SGCZ: variants seen among roughly 807,000 people sequenced by gnomAD.
SGCZ encodes sarcoglycan zeta, also known as zeta-sarcoglycan.
SGCZ carries 40 observed loss-of-function variants against 41.3 expected under a neutral mutation model. That is an observed-to-expected ratio of 0.97 (90% CI 0.75 to 1.26). The LOEUF is 1.26. Among genes scored for constraint, SGCZ ranks in the 50% most tolerant of loss-of-function variants. The probability of loss-of-function intolerance (pLI) is 0.00; values close to 1 mark genes in which losing one functional copy is unlikely to be tolerated. For missense variants in SGCZ, 552 were observed against 369.8 expected (o/e 1.49, Z -4.04); for synonymous variants, 206 against 137.5 (o/e 1.50, Z -3.49).
chr8:14,644,398 T>A (rs1807138025), intron 1 of SGCZ, among the ~76,000 whole-genome samples: 1 of 151,822 alleles, frequency 6.6e-6, no homozygotes, highest in Non-Finnish European at 1.5e-5. Flanking sequence ...CCTGCAGAAT[T>A]CACACTACAC....
At chr8:14,776,518 CTTTTTT>C (rs35602866) in intron 1 of SGCZ, among the ~76,000 whole-genome samples, 1 of 116,636 alleles carries the variant, frequency 8.6e-6, no homozygotes, top group Non-Finnish European at 1.7e-5. Flanking sequence ...TTTTCTTTTT[CTTTTTT>C]TTTTTTTTTT....
intron 1 of SGCZ, among the ~76,000 whole-genome samples, chr8:14,573,950 T>C (rs577931026): frequency 6.6e-6 from 1 of 152,082 alleles, no homozygotes; most frequent in South Asian, 2.1e-4. Flanking sequence ...CTTAAGGAAA[T>C]TTGCACAGAG....
chr8:14,283,184 C>T (rs575971652), intron 3 of SGCZ, among the ~76,000 whole-genome samples: 5 of 149,044 alleles, frequency 3.4e-5, no homozygotes, highest in African/African-American at 1.2e-4. Context: ...CTTCTCTTGT[C>T]GATATAGATT....
At position 14,134,904 on chromosome 8, in the gene SGCZ, T is replaced by A. The variant is rs1032407879; in HGVS notation, c.548-26669A>T. ...ACATGACAGATATAATAGTTCATGA[T>A]GAGAATGTTAAATTAAAACTTTAAC... On this transcript the variant is annotated intron_variant, in intron 5 of 7. Transcript: ENST00000382080. Among the ~76,000 whole-genome samples, 6 of 152,206 alleles carry A rather than the reference T, an allele frequency of 3.9e-5. 1 individual carries two copies. Among genetic ancestry groups the A allele is most frequent in the Non-Finnish European group, 1.5e-5 (1 of 68,042 alleles).
intron 1 of SGCZ, among the ~76,000 whole-genome samples, chr8:15,128,342 T>TC (rs1807780578): frequency 6.6e-6 from 1 of 152,256 alleles, no homozygotes; most frequent in African/African-American, 2.4e-5. Flanking sequence ...GCCCATTTAT[T>TC]CTCAGCATTT....
intron 7 of SGCZ, among the ~76,000 whole-genome samples, chr8:14,102,076 T>TTATATATATATATA (rs55667194): frequency 7.5e-5 from 9 of 119,906 alleles, no homozygotes; most frequent in African/African-American, 2.8e-4. Context: ...TTGGCTAACT[T>TTATATATATATATA]TATATATATA....
rs140802763 is a variant in SGCZ, at chr8:15,111,171, T to C, written c.39+126414A>G. On this transcript the variant is annotated intron_variant, in intron 1 of 7. Transcript: ENST00000382080. ...GGAATTCACACTATTTTCATAAACA[T>C]GACTCAAAAGGAAAACACCTGGTTC... 5.7e-4 allele frequency among the ~76,000 whole-genome samples: 86 copies of C among 152,086 alleles called. No homozygotes were observed. The East Asian group carries it at 0.015, about 27-fold the overall frequency.
intron 1 of SGCZ, among the ~76,000 whole-genome samples, chr8:14,639,389 C>T (rs1208360631): frequency 6.6e-6 from 1 of 151,572 alleles, no homozygotes; most frequent in Admixed American, 6.6e-5. Flanking sequence ...TGTCAAAGAG[C>T]AAAAGCTTTT....
At chr8:14,969,192 T>G (rs1471763134) in intron 1 of SGCZ, among the ~76,000 whole-genome samples, 5 of 152,132 alleles carry the variant, frequency 3.3e-5, no homozygotes, top group Admixed American at 6.5e-5. Context: ...ATCCAATATG[T>G]CACCTACAAT....
At chr8:14,884,867 T>C (rs1310443454) in intron 1 of SGCZ, among the ~76,000 whole-genome samples, 1 of 152,146 alleles carries the variant, frequency 6.6e-6, no homozygotes, top group East Asian at 1.9e-4. Context: ...TTCTGGTTTT[T>C]ATGATACTAA....
At chr8:14,893,062 C>A (rs1173050433) in intron 1 of SGCZ, among the ~76,000 whole-genome samples, 1 of 152,178 alleles carries the variant, frequency 6.6e-6, no homozygotes, top group Non-Finnish European at 1.5e-5. Context: ...CCGAGAGGGA[C>A]TTTGCATATT....
chr8:15,089,184 G>C (rs1806060210), intron 1 of SGCZ, among the ~76,000 whole-genome samples: 1 of 152,048 alleles, frequency 6.6e-6, no homozygotes, highest in Non-Finnish European at 1.5e-5. Context: ...ATATACTATA[G>C]TCTAATGATT....
At chr8:14,242,097 A>C (rs1243503737) in intron 3 of SGCZ, among the ~76,000 whole-genome samples, 3 of 152,196 alleles carry the variant, frequency 2.0e-5, no homozygotes, top group Non-Finnish European at 4.4e-5. Flanking sequence ...GATAATTAAC[A>C]ATCATACAAA....
chr8:14,555,374 C>CT (rs1288036089), intron 1 of SGCZ, among the ~76,000 whole-genome samples: 2 of 151,990 alleles, frequency 1.3e-5, no homozygotes, highest in African/African-American at 4.8e-5. Context: ...GAATTTCCCC[C>CT]TTTGGTGCTG....
intron 4 of SGCZ, among the ~76,000 whole-genome samples, chr8:14,172,492 C>T (rs570239678): frequency 1.3e-5 from 2 of 152,254 alleles, no homozygotes; most frequent in East Asian, 3.9e-4. Context: ...ACGAACGGCG[C>T]CATGCCTCTC....
chr8:15,211,192 G>A (rs1434808936), intron 1 of SGCZ, among the ~76,000 whole-genome samples: 1 of 151,206 alleles, frequency 6.6e-6, no homozygotes, highest in Non-Finnish European at 1.5e-5. Flanking sequence ...AGAACCTACA[G>A]ATATCAACAG....
chr8:14,207,496 T>G (rs1805655521), intron 4 of SGCZ, among the ~76,000 whole-genome samples: 2 of 152,212 alleles, frequency 1.3e-5, no homozygotes, highest in African/African-American at 4.8e-5. Context: ...TGGTTTACAT[T>G]TTTCTAAATG....
At chr8:14,266,740 A>G (rs1799881587) in intron 3 of SGCZ, among the ~76,000 whole-genome samples, 1 of 152,108 alleles carries the variant, frequency 6.6e-6, no homozygotes, top group South Asian at 2.1e-4. Context: ...TCTATGATCA[A>G]AGCAACTAAG....
At chr8:14,566,682 C>T (rs896818501) in intron 1 of SGCZ, among the ~76,000 whole-genome samples, 11 of 152,256 alleles carry the variant, frequency 7.2e-5, no homozygotes, top group South Asian at 2.1e-4. Context: ...AGCCCTCGCT[C>T]GCTCTCGGCA....
Sources: gnomAD v4.1 joint callset for allele counts (sites outside exome capture counted in the v4.1 genomes callset) on GRCh38, gnomAD v4.1.1 for gene constraint, MANE v1.5 for transcripts, NCBI Gene and HGNC (gene_info 2026-07-23, HGNC 2026-07-21) for gene names.